The following PAN3 variants were observed in gnomAD, a reference collection of about 807,000 sequenced individuals.
PAN3 encodes PAN2-PAN3 deadenylation complex subunit PAN3.
Under a neutral mutation model 96.2 loss-of-function variants are expected in PAN3, and 19 were observed. That is an observed-to-expected ratio of 0.20 (90% CI 0.14 to 0.29). The LOEUF is 0.29. Among genes scored for constraint, PAN3 ranks in the 10% least tolerant of loss-of-function variants. The pLI is 1.00. For synonymous variants in PAN3, 433 were observed against 406.6 expected, an observed-to-expected ratio of 1.06 and a Z score of -0.78; for missense variants, 882 against 1,108.1, an observed-to-expected ratio of 0.80 and a Z score of 2.90.
intron 5 of PAN3, chr13:28,214,979 G>T: frequency 7.3e-7 from 1 of 1,364,344 alleles, no homozygotes; most frequent in Non-Finnish European, 1.0e-6. Flanking sequence ...TTAACAAAAT[G>T]GATTCCACTG....
chr13:28,270,910 C>A, intron 13 of PAN3, 44 bp downstream of exon 13: 1 of 1,543,574 alleles, frequency 6.5e-7, no homozygotes, highest in Non-Finnish European at 8.9e-7. Context: ...GAGCGTCTTA[C>A]CTTTGACAGC....
At chr13:28,288,213 T>A in intron 18 of PAN3, 91 bp downstream of exon 18, 1 of 1,189,358 alleles carries the variant, frequency 8.4e-7, no homozygotes, top group Non-Finnish European at 1.2e-6. Flanking sequence ...ACTTAAGAAA[T>A]CAGGATGTAC....
intron 4 of PAN3, among the ~76,000 whole-genome samples, chr13:28,187,784 C>T (rs1040981075): frequency 6.6e-6 from 1 of 152,114 alleles, no homozygotes; most frequent in African/African-American, 2.4e-5. Context: ...GGTTCAAACT[C>T]CGACTTCAAG....
intron 1 of PAN3, among the ~76,000 whole-genome samples, chr13:28,165,283 CTTTTT>C (rs35652829): frequency 1.5e-5 from 2 of 129,426 alleles, no homozygotes; most frequent in African/African-American, 5.9e-5. Context: ...CTTATATATC[CTTTTT>C]TTTTTTTTTT....
chr13:28,271,196 T>C (rs1886592799), intron 13 of PAN3, among the ~76,000 whole-genome samples: 1 of 152,188 alleles, frequency 6.6e-6, no homozygotes, highest in East Asian at 1.9e-4. Context: ...CTGGAGGACT[T>C]ACAAAACACA....
In PAN3 at chr13:28,295,072, A is replaced by G. The variant is rs966548276; in HGVS notation, c.*2550A>G. 2 of 152,228 alleles carry G rather than the reference A, an allele frequency of 1.3e-5. No homozygotes were observed. Among genetic ancestry groups the G allele is most frequent in the African/African-American group, 4.8e-5 (2 of 41,464 alleles). The allele number at this position is 152,228 out of a possible 1,614,324, so 9.4% of individuals were successfully genotyped here. A position where few individuals can be genotyped will look rare whatever the true frequency, so the allele number is the denominator to read the frequency against. Reference sequence around the variant, plus strand: ...AAAAGCACAGAAAGGACAACCCTTGAAATCATGTAACGTTGGTCATTTCAA... The same window carrying G: ...AAAAGCACAGAAAGGACAACCCTTGGAATCATGTAACGTTGGTCATTTCAA... On this transcript the variant is annotated 3_prime_UTR_variant, in exon 19 of 19. Coordinates refer to ENST00000380958, the MANE Select transcript of PAN3 (RefSeq NM_175854.8).
intron 5 of PAN3, among the ~76,000 whole-genome samples, chr13:28,216,713 A>C (rs2138356303): frequency 6.6e-6 from 1 of 152,306 alleles, no homozygotes; most frequent in South Asian, 2.1e-4. Context: ...TTGTATGATA[A>C]CAATTTTTTT....
chr13:28,280,386 A>C, intron 15 of PAN3, 26 bp from the exon 16 acceptor site: 1 of 1,590,292 alleles, frequency 6.3e-7, no homozygotes, highest in East Asian at 2.3e-5. Context: ...TGGACATCCA[A>C]GTAATTCCTC....
At chr13:28,247,283 T>A (rs1884287156) in intron 6 of PAN3, among the ~76,000 whole-genome samples, 2 of 152,084 alleles carry the variant, frequency 1.3e-5, no homozygotes, top group East Asian at 3.8e-4. Flanking sequence ...ATTTTTTTAT[T>A]TTTATTTTTA....
rs906422577 is a variant in PAN3, at chr13:28,177,824, C to G, written c.620-41C>G. On this transcript the variant is annotated intron_variant, in intron 3 of 18. Transcript: ENST00000380958. ...AACAGTTATTAGATTTGCGGGTTACCCAAGTTTTATGTGTGGAAACTTACG... is the reference window on the plus strand; with the variant it reads ...AACAGTTATTAGATTTGCGGGTTACGCAAGTTTTATGTGTGGAAACTTACG... 2.0e-6 allele frequency: 3 copies of G among 1,531,204 alleles called. No homozygotes were observed. In the African/African-American group the frequency reaches 4.1e-5, roughly 21 times the overall value. 94.9% of individuals were successfully genotyped at this position (1,531,204 alleles called of 1,614,324 possible).
intron 5 of PAN3, among the ~76,000 whole-genome samples, chr13:28,218,776 TA>T (rs1881077469): frequency 1.3e-5 from 2 of 152,226 alleles, no homozygotes; most frequent in African/African-American, 4.8e-5. Context: ...AACTGGGTAA[TA>T]CCTGTTTCTC....
chr13:28,161,654 A>G (rs983540429), intron 1 of PAN3, among the ~76,000 whole-genome samples: 4 of 152,152 alleles, frequency 2.6e-5, no homozygotes, highest in African/African-American at 9.7e-5. Context: ...ATAACCTGAA[A>G]TGCCTTATGG....
chr13:28,281,160 T>C (rs1049618064), intron 16 of PAN3, among the ~76,000 whole-genome samples, 155 bp from the exon 17 acceptor site: 4 of 152,238 alleles, frequency 2.6e-5, no homozygotes, highest in Admixed American at 1.3e-4. Flanking sequence ...AATGGACATA[T>C]TGTGTTTGTT....
At chr13:28,266,266 C>T (rs76754980) in intron 9 of PAN3, among the ~76,000 whole-genome samples, 3 of 152,120 alleles carry the variant, frequency 2.0e-5, no homozygotes, top group South Asian at 2.1e-4. Flanking sequence ...ATGAGCATTC[C>T]GAAGTCATTC....
chr13:28,256,711 G>T (rs1885174844), intron 7 of PAN3, among the ~76,000 whole-genome samples, 172 bp downstream of exon 7: 1 of 152,090 alleles, frequency 6.6e-6, no homozygotes, highest in Admixed American at 6.5e-5. Flanking sequence ...AATTAATCTA[G>T]TTCTGCCTTA....
At chr13:28,215,916 G>A in intron 5 of PAN3, 1 of 1,196,968 alleles carries the variant, frequency 8.4e-7, no homozygotes, top group Non-Finnish European at 1.2e-6. Context: ...CCTAATACCT[G>A]CCACTCTAGT....
chr13:28,214,717 A>G, intron 5 of PAN3: 1 of 494,472 alleles, frequency 2.0e-6, no homozygotes, highest in Non-Finnish European at 3.7e-6. Context: ...CTGAGCATGA[A>G]TGTGGTCTCA....
chr13:28,204,094 C>T (rs1039928856), intron 5 of PAN3, among the ~76,000 whole-genome samples: 3 of 152,254 alleles, frequency 2.0e-5, no homozygotes, highest in African/African-American at 4.8e-5. Context: ...CAGGCGTGAG[C>T]GACCACGCCC....
chr13:28,163,833 T>C (rs1490478157), intron 1 of PAN3, among the ~76,000 whole-genome samples: 2 of 152,250 alleles, frequency 1.3e-5, no homozygotes, highest in Non-Finnish European at 2.9e-5. Context: ...TAATCTTTTG[T>C]AAATATTGGT....
Sources: allele counts gnomAD v4.1 joint callset (sites outside exome capture counted in the v4.1 genomes callset), GRCh38; gene constraint gnomAD v4.1.1; transcripts MANE v1.5; gene names NCBI Gene and HGNC (gene_info 2026-07-23, HGNC 2026-07-21).